Variants in SPATA9 observed in about 807,000 individuals in gnomAD.
SPATA9 encodes the protein spermatogenesis associated 9.
SPATA9 carries 27 observed loss-of-function variants against 25.5 expected under a neutral mutation model. The observed-to-expected ratio is 1.06, with a 90% CI of 0.78 to 1.46. The LOEUF is 1.46. SPATA9 is among the 40% of genes most tolerant of loss of function. SPATA9 has a pLI of 0.00. For synonymous variants in SPATA9, 102 were observed against 105.7 expected, an observed-to-expected ratio of 0.97 and a Z score of 0.21; for missense variants, 282 against 297.5, an observed-to-expected ratio of 0.95 and a Z score of 0.38.
At chr5:95,675,328 G>A (rs1752820413) in intron 3 of SPATA9, 84 bp downstream of exon 3, 4 of 1,114,472 alleles carry the variant, frequency 3.6e-6, no homozygotes, top group Non-Finnish European at 5.1e-6. Flanking sequence ...GGACAATCAA[G>A]TTCACCACAT....
the SPATA9 span, chr5:95,731,251 T>G: frequency 9.9e-7 from 1 of 1,005,898 alleles, no homozygotes; most frequent in East Asian, 1.1e-4. Flanking sequence ...TGGCACGTGC[T>G]GCGCCCGGTC....
the SPATA9 span, among the ~76,000 whole-genome samples, chr5:95,718,713 G>C: frequency 1.8e-3 from 275 of 152,322 alleles, 2 homozygotes; most frequent in African/African-American, 6.5e-3. Context: ...CACTAAGGTT[G>C]ATCCAGGGTT....
chr5:95,714,898 A>G, the SPATA9 span, among the ~76,000 whole-genome samples: 1 of 152,232 alleles, frequency 6.6e-6, no homozygotes, highest in Non-Finnish European at 1.5e-5. Context: ...GAAGACTTAA[A>G]TAAGTGAAGA....
rs1368889973 is a variant in SPATA9, at chr5:95,682,968, C to G, written c.-114G>C. 1.4e-6 allele frequency: 2 copies of G among 1,382,296 alleles called. No individual in the cohort carries two copies. Among genetic ancestry groups the G allele is most frequent in the Non-Finnish European group, 9.4e-7 (1 of 1,065,030 alleles). The allele number at this position is 1,382,296 out of a possible 1,614,324, so 85.6% of individuals were successfully genotyped here. A position where few individuals can be genotyped will look rare whatever the true frequency, so the allele number is the denominator to read the frequency against. On this transcript the variant is annotated 5_prime_UTR_variant, in exon 1 of 5. Transcript: ENST00000274432. ...GTAGCCTTCCACTTGGGAAAGCCAG[C>G]AAGGACAGAACTCACAGCTCACTGC...
upstream of SPATA9, among the ~76,000 whole-genome samples, chr5:95,702,143 C>A (rs553085146): frequency 2.0e-5 from 3 of 151,914 alleles, no homozygotes; most frequent in Non-Finnish European, 4.4e-5. Flanking sequence ...AACCAAAAAG[C>A]CTTCTCACTA....
At chr5:95,664,163 CT>C (rs1751540051) in intron 3 of SPATA9, 115 bp from the exon 4 acceptor site, 1 of 509,750 alleles carries the variant, frequency 2.0e-6, no homozygotes, top group Admixed American at 4.2e-5. Context: ...AAGTCATCTA[CT>C]TTAGAGCTAT....
chr5:95,683,520 T>TTA (rs986521074), upstream of SPATA9, among the ~76,000 whole-genome samples: 7 of 152,030 alleles, frequency 4.6e-5, no homozygotes, highest in Admixed American at 2.6e-4. Flanking sequence ...CTGCCTAGTT[T>TTA]TATATATATA....
chr5:95,723,798 T>C, the SPATA9 span, among the ~76,000 whole-genome samples: 2 of 152,144 alleles, frequency 1.3e-5, no homozygotes. Context: ...AGTCCCAGCT[T>C]CACTGTGCTG....
intron 4 of SPATA9, among the ~76,000 whole-genome samples, 165 bp downstream of exon 4, chr5:95,663,788 G>C (rs1024949631): frequency 6.6e-6 from 1 of 152,120 alleles, no homozygotes; most frequent in Non-Finnish European, 1.5e-5. Context: ...TTGGTGGATT[G>C]ACCTGGCTCA....
chr5:95,693,179 T>C (rs1265867478), intron 1 of SPATA9, among the ~76,000 whole-genome samples: 1 of 152,190 alleles, frequency 6.6e-6, no homozygotes, highest in Non-Finnish European at 1.5e-5. Context: ...TAAAAAACAA[T>C]TAGTATCATC....
At chr5:95,653,625 G>A (rs920859479), downstream of SPATA9, among the ~76,000 whole-genome samples, 1 of 152,318 alleles carries the variant, frequency 6.6e-6, no homozygotes, top group South Asian at 2.1e-4. Flanking sequence ...ATGGCCGGGC[G>A]CAGTGGCTCA....
intron 3 of SPATA9, among the ~76,000 whole-genome samples, chr5:95,664,563 T>C (rs1751574354): frequency 6.6e-6 from 1 of 152,204 alleles, no homozygotes; most frequent in African/African-American, 2.4e-5. Flanking sequence ...AACAGGCTCT[T>C]ATGAAACACA....
At chr5:95,686,681 A>C (rs1367902973), upstream of SPATA9, among the ~76,000 whole-genome samples, 1 of 152,184 alleles carries the variant, frequency 6.6e-6, no homozygotes, top group Non-Finnish European at 1.5e-5. Flanking sequence ...TCCTACATGC[A>C]TGAGACTGCA....
chr5:95,700,019 A>G (rs1177069036), upstream of SPATA9, among the ~76,000 whole-genome samples: 9 of 152,214 alleles, frequency 5.9e-5, no homozygotes, highest in Admixed American at 5.2e-4. Context: ...CCCTGAAACC[A>G]TGGATATTAA....
intron 3 of SPATA9, among the ~76,000 whole-genome samples, chr5:95,673,771 G>A (rs929415542): frequency 7.5e-5 from 11 of 147,034 alleles, no homozygotes; most frequent in Middle Eastern, 3.3e-3. Context: ...TTTAGACAGA[G>A]TCTTGCTCTG....
At chr5:95,715,061 A>C in the SPATA9 span, among the ~76,000 whole-genome samples, 32 of 152,062 alleles carry the variant, frequency 2.1e-4, no homozygotes, top group Admixed American at 5.2e-4. Context: ...TGTGGTGGCT[A>C]ATACCTGTAA....
In SPATA9 at chr5:95,682,827, A is replaced by G. The variant is rs1308821867; in HGVS notation, c.28T>C (p.Cys10Arg). The G allele has an allele frequency of 1.9e-6, 3 of 1,547,110 alleles. No homozygotes were observed. In the African/African-American group the frequency reaches 4.1e-5, roughly 21 times the overall value. Residue 10 changes from cysteine (C) to arginine (R), a missense_variant, in exon 1 of 5, where the codon TGT (cysteine) becomes CGT (arginine). Cys to Arg is a radical substitution (Grantham distance 180). Transcript: ENST00000274432. ...GAAAAGTTCTTCAACACCTGCCCAC[A>G]TATCCACCCAACAGGTTTGATTGGC... MPIKPVGWI[C>R]GQVLKNFSGR... is the part of the protein sequence containing the mutation.
At chr5:95,701,491 C>A (rs1411931406), upstream of SPATA9, 1 of 151,866 alleles carries the variant, frequency 6.6e-6, no homozygotes, top group Non-Finnish European at 1.5e-5. Context: ...AACATCTATA[C>A]TGGTAGCATA....
At chr5:95,654,489 A>G (rs1750603043), downstream of SPATA9, 2 of 700,778 alleles carry the variant, frequency 2.9e-6, no homozygotes, top group Non-Finnish European at 4.8e-6. Context: ...CTGGGAATTC[A>G]TAAGATAAAT....
Sources: allele counts gnomAD v4.1 joint callset (sites outside exome capture counted in the v4.1 genomes callset), GRCh38; gene constraint gnomAD v4.1.1; transcripts MANE v1.5; gene names NCBI Gene and HGNC (gene_info 2026-07-23, HGNC 2026-07-21).